Variants in CORO2B observed in about 807,000 individuals in gnomAD.
The protein encoded by CORO2B is coronin-2B.
In CORO2B, 26 loss-of-function variants were observed where a neutral mutation model predicts 58.8. The ratio of observed to expected loss-of-function variants is 0.44; its 90% CI spans 0.32 to 0.61. The LOEUF (loss-of-function observed/expected upper bound fraction) is 0.61, where lower values mean the gene tolerates loss of function less well. Among genes scored for constraint, CORO2B ranks in the 20% least tolerant of loss-of-function variants. CORO2B has a pLI of 0.04. For synonymous variants in CORO2B, 242 were observed against 253.8 expected (o/e 0.95, Z 0.44); for missense variants, 460 against 645.1 (o/e 0.71, Z 3.11).
At chr15:68,626,482 G>C (rs550037175) in intron 1 of CORO2B, among the ~76,000 whole-genome samples, 2 of 152,216 alleles carry the variant, frequency 1.3e-5, no homozygotes, top group Non-Finnish European at 2.9e-5. Flanking sequence ...CTGAGTGCTA[G>C]AGATTCAGAC....
intron 3 of CORO2B, among the ~76,000 whole-genome samples, chr15:68,707,044 T>G (rs1445657150): frequency 1.3e-5 from 2 of 152,102 alleles, no homozygotes; most frequent in Non-Finnish European, 1.5e-5. Context: ...CACTGCAAGC[T>G]CCACCTCCCA....
the CORO2B span, among the ~76,000 whole-genome samples, chr15:68,564,424 C>T: frequency 3.9e-5 from 6 of 152,084 alleles, no homozygotes; most frequent in Non-Finnish European, 5.9e-5. Context: ...CCCCATCAGC[C>T]TCTCGAGTAG....
At chr15:68,675,755 G>T (rs903471967) in intron 2 of CORO2B, among the ~76,000 whole-genome samples, 4 of 152,120 alleles carry the variant, frequency 2.6e-5, no homozygotes, top group Non-Finnish European at 5.9e-5. Context: ...GTAAATGTTA[G>T]CTGCAATTCC....
At chr15:68,722,061 G>C (rs1893174706) in intron 11 of CORO2B, among the ~76,000 whole-genome samples, 1 of 152,112 alleles carries the variant, frequency 6.6e-6, no homozygotes, top group Non-Finnish European at 1.5e-5. Flanking sequence ...CTATTTTCTT[G>C]TTTTTAAAAG....
intron 1 of CORO2B, among the ~76,000 whole-genome samples, chr15:68,633,543 A>ACACACACACACT (rs1035888776): frequency 4.6e-5 from 7 of 151,514 alleles, no homozygotes; most frequent in African/African-American, 1.5e-4. Flanking sequence ...ACACACACAC[A>ACACACACACACT]CACTCACTCC....
chr15:68,705,436 CAAA>C (rs35973911), intron 3 of CORO2B, among the ~76,000 whole-genome samples: 4 of 112,806 alleles, frequency 3.5e-5, no homozygotes, highest in African/African-American at 7.1e-5. Flanking sequence ...AACTCTATCT[CAAA>C]AAAAAAAAAA....
intron 2 of CORO2B, among the ~76,000 whole-genome samples, chr15:68,648,330 T>TAA (rs35889202): frequency 2.5e-4 from 28 of 113,582 alleles, no homozygotes; most frequent in African/African-American, 7.2e-4. Context: ...AGATTCCAGC[T>TAA]AAAAAAAAAA....
intron 1 of CORO2B, among the ~76,000 whole-genome samples, chr15:68,621,330 C>T (rs542099087): frequency 1.8e-4 from 27 of 152,206 alleles, no homozygotes; most frequent in African/African-American, 6.5e-4. Flanking sequence ...CAACGCAGTG[C>T]GTGCCAGCAT....
chr15:68,602,209 G>A (rs571772242), intron 1 of CORO2B, among the ~76,000 whole-genome samples: 5 of 152,000 alleles, frequency 3.3e-5, no homozygotes, highest in African/African-American at 9.7e-5. Context: ...AAGTGGGAGT[G>A]GGGGGAACTG....
chr15:68,598,873 A>G (rs1020955214), intron 1 of CORO2B, among the ~76,000 whole-genome samples: 1 of 152,082 alleles, frequency 6.6e-6, no homozygotes, highest in African/African-American at 2.4e-5. Context: ...GCTGGTGGGG[A>G]TGGGAGCTGG....
rs184775521 is a variant in CORO2B, at chr15:68,723,212, C to G, written c.1312-2631C>G. Among the ~76,000 whole-genome samples the G allele has an allele frequency of 4.7e-3, 707 of 150,870 alleles. 9 individuals carry two copies. Among genetic ancestry groups the G allele is most frequent in the African/African-American group, 0.016 (669 of 40,950 alleles). ...TCTTGACTCACTGCAACCTCCACCT[C>G]CCGGGTTCAAGCAATTCTCCTGCCT... On this transcript the variant is annotated intron_variant, in intron 11 of 11. Coordinates refer to ENST00000261861, the MANE Select transcript of CORO2B (RefSeq NM_006091.5).
At chr15:68,660,989 C>G (rs72748534) in intron 2 of CORO2B, among the ~76,000 whole-genome samples, 13 of 76,580 alleles carry the variant, frequency 1.7e-4, no homozygotes, top group Non-Finnish European at 3.1e-4. Context: ...TTTTTTTTTT[C>G]TGTTTTTTGA....
the CORO2B span, among the ~76,000 whole-genome samples, chr15:68,562,018 A>C: frequency 6.6e-6 from 1 of 152,198 alleles, no homozygotes; most frequent in Non-Finnish European, 1.5e-5. Flanking sequence ...CCCTAAAGGC[A>C]GGCCAACTGG....
chr15:68,694,733 C>T (rs1473296874), intron 2 of CORO2B, among the ~76,000 whole-genome samples: 1 of 152,178 alleles, frequency 6.6e-6, no homozygotes, highest in African/African-American at 2.4e-5. Context: ...AGCATCTGAG[C>T]GTGCGTGAAC....
In CORO2B at chr15:68,710,521, C is replaced by G. The variant is rs1022824458; in HGVS notation, c.334-211C>G. On this transcript the variant is annotated intron_variant, in intron 3 of 11. Transcript: ENST00000261861. The surrounding 1 kb of genome is among the most constrained non-coding windows in gnomAD (Gnocchi z 4.1). Reference sequence around the variant, plus strand: ...TCTGCAGAGACTTCCCAGAGAAAACCTCCCACAGGCAGAGAGATGGTCTCC... The same window carrying G: ...TCTGCAGAGACTTCCCAGAGAAAACGTCCCACAGGCAGAGAGATGGTCTCC... Among the ~76,000 whole-genome samples the G allele has an allele frequency of 3.9e-5, 6 of 152,214 alleles. No individual in the cohort carries two copies. The highest frequency in any genetic ancestry group is 1.4e-4 in the African/African-American group (6 of 41,450).
intron 2 of CORO2B, among the ~76,000 whole-genome samples, chr15:68,673,762 G>A (rs1158892798): frequency 6.6e-6 from 1 of 151,550 alleles, no homozygotes; most frequent in Non-Finnish European, 1.5e-5. Flanking sequence ...ACCTGAACGG[G>A]GGAGACAGAG....
the CORO2B span, among the ~76,000 whole-genome samples, chr15:68,546,111 T>G: frequency 6.6e-6 from 1 of 152,174 alleles, no homozygotes; most frequent in Non-Finnish European, 1.5e-5. Context: ...TTGGTGCTCC[T>G]TCACGCACAT....
the CORO2B span, among the ~76,000 whole-genome samples, chr15:68,552,917 G>T: frequency 6.6e-6 from 1 of 152,354 alleles, no homozygotes; most frequent in South Asian, 2.1e-4. Context: ...CCTCAGAGCT[G>T]CGCTTCCTGC....
chr15:68,579,727 C>G (rs1178526986), intron 1 of CORO2B, among the ~76,000 whole-genome samples: 1 of 152,216 alleles, frequency 6.6e-6, no homozygotes, highest in Non-Finnish European at 1.5e-5. Context: ...CACCTGCCAG[C>G]CTCTGCCGCC....
Sources: allele counts gnomAD v4.1 joint callset (sites outside exome capture counted in the v4.1 genomes callset), GRCh38; gene constraint gnomAD v4.1.1; non-coding constraint Gnocchi (gnomAD v3.1); transcripts MANE v1.5; gene names NCBI Gene and HGNC (gene_info 2026-07-23, HGNC 2026-07-21).